The following BICRA variants were observed in gnomAD, a reference collection of about 807,000 sequenced individuals.
The protein encoded by BICRA is BRD4 interacting chromatin remodeling complex associated protein.
A neutral mutation model predicts 96.9 loss-of-function variants in BICRA; 31 were observed. The ratio of observed to expected loss-of-function variants is 0.32; its 90% CI spans 0.24 to 0.43. BICRA has a LOEUF of 0.43. Ranked by LOEUF, BICRA falls within the 20% of genes least tolerant of loss-of-function variation. The pLI, the probability that BICRA is intolerant of heterozygous loss-of-function variation, is 1.00. For synonymous variants in BICRA, 1,350 were observed against 1,071.8 expected, an observed-to-expected ratio of 1.26 and a Z score of -5.07; for missense variants, 2,283 against 2,190.3, an observed-to-expected ratio of 1.04 and a Z score of -0.84.
chr19:47,701,116 C>G lies in BICRA; in HGVS notation c.3596-212C>G, dbSNP rs551076388. ...ATGTCTGAATGAGCCCCACGTGGCT[C>G]GTGGCGCTGTGCCAGGCACAGTGGT... On this transcript the variant is annotated intron_variant, in intron 14 of 14. Transcript: ENST00000594866. This position sits in a 1 kb window ranked among gnomAD's most constrained non-coding sequence, Gnocchi z 5.4. 54 of 580,484 alleles carry G rather than the reference C, an allele frequency of 9.3e-5. 2 individuals carry two copies. In the South Asian group the frequency reaches 1.1e-3, roughly 12 times the overall value. The allele number at this position is 580,484 out of a possible 1,614,324, so 36.0% of individuals were successfully genotyped here. A position where few individuals can be genotyped will look rare whatever the true frequency, so the allele number is the denominator to read the frequency against.
At chr19:47,658,788 G>A (rs1972661108) in intron 1 of BICRA, among the ~76,000 whole-genome samples, 1 of 152,118 alleles carries the variant, frequency 6.6e-6, no homozygotes, top group African/African-American at 2.4e-5. Flanking sequence ...TCTCAAATCT[G>A]TATTAGGAAC....
chr19:47,680,238 G>C lies in BICRA; in HGVS notation c.1068G>C (p.Ala356=). 1 of 1,560,444 alleles carries C rather than the reference G, an allele frequency of 6.4e-7. No homozygotes were observed. The highest frequency in any genetic ancestry group is 8.6e-7 in the Non-Finnish European group (1 of 1,162,068). The change falls in exon 6 of 15, where the codon GCG becomes GCC. Residue 356 remains alanine (A), a synonymous_variant. Coordinates refer to ENST00000594866, the MANE Select transcript of BICRA (RefSeq NM_001394372.1). ...CCACGCCCATCCAGCCCAAGCCCGC[G>C]GGGGTGCTGCCGCCCAAGCTCTACC... ...RTPTPIQPKP[A]GVLPPKLYQL...
At chr19:47,685,782 T>TGTGTGTGTGTGCGCGCGC (rs1973140439) in intron 7 of BICRA, among the ~76,000 whole-genome samples, 1 of 124,842 alleles carries the variant, frequency 8.0e-6, no homozygotes, top group Non-Finnish European at 1.6e-5. Context: ...TGTGTGTGTG[T>TGTGTGTGTGTGCGCGCGC]GTGTGCGCGC....
rs748341092 is a variant in BICRA at position 47,694,686 on chromosome 19, C to A, written c.2855C>A (p.Ala952Glu). ...TFQMVTTPFPALPQPKALLER... is the reference protein window; with the variant it reads ...TFQMVTTPFPELPQPKALLER... The stretch of plus-strand genomic sequence containing the variant: ...CAGATGGTGACCACCCCCTTCCCAG[C>A]GCTGCCCCAGCCGAAGGCTCTTCTC... The change falls in exon 8 of 15, where the codon GCG (alanine) becomes GAG (glutamate). Residue 952 changes from alanine to glutamate, a missense_variant. Transcript: ENST00000594866. 6.3e-7 allele frequency: 1 copy of A among 1,587,192 alleles called. No homozygotes were observed. Among genetic ancestry groups the A allele is most frequent in the Non-Finnish European group, 8.6e-7 (1 of 1,161,346 alleles).
chr19:47,612,240 C>T (rs908230570), intron 1 of BICRA, among the ~76,000 whole-genome samples: 11 of 151,750 alleles, frequency 7.2e-5, no homozygotes, highest in African/African-American at 2.7e-4. Context: ...CACGGTGAGA[C>T]CCTGTGTCTA....
At chr19:47,618,567 C>T (rs1175076639) in intron 1 of BICRA, among the ~76,000 whole-genome samples, 7 of 152,012 alleles carry the variant, frequency 4.6e-5, no homozygotes, top group South Asian at 2.1e-4. Flanking sequence ...TGCCCCTTGA[C>T]CCCCCAGCCC....
chr19:47,682,514 C>A (rs1453808825), intron 7 of BICRA, among the ~76,000 whole-genome samples: 1 of 152,180 alleles, frequency 6.6e-6, no homozygotes, highest in East Asian at 1.9e-4. Context: ...TCCTGTTGTC[C>A]TCCCAAGGTG....
chr19:47,648,335 C>T (rs1232477532), intron 1 of BICRA, among the ~76,000 whole-genome samples: 2 of 151,882 alleles, frequency 1.3e-5, no homozygotes, highest in East Asian at 1.9e-4. Flanking sequence ...CTAGGTCAGG[C>T]GCCTGACAGC....
intron 1 of BICRA, among the ~76,000 whole-genome samples, chr19:47,629,745 C>A (rs1972193412): frequency 6.6e-6 from 1 of 152,132 alleles, no homozygotes; most frequent in Non-Finnish European, 1.5e-5. Flanking sequence ...GCAACCCCTG[C>A]CTCGCAGGTT....
chr19:47,632,053 T>C (rs140723626), intron 1 of BICRA, among the ~76,000 whole-genome samples: 2 of 152,220 alleles, frequency 1.3e-5, no homozygotes, highest in Non-Finnish European at 2.9e-5. Context: ...ATTCTCTGTC[T>C]TTGACTAGGA....
intron 11 of BICRA, among the ~76,000 whole-genome samples, chr19:47,696,890 A>G (rs959318222): frequency 1.4e-5 from 2 of 147,610 alleles, no homozygotes; most frequent in African/African-American, 5.0e-5. Flanking sequence ...TGGGAGGATG[A>G]TGGGGGGGGT....
At chr19:47,642,573 G>T (rs757662987) in intron 1 of BICRA, among the ~76,000 whole-genome samples, 7 of 151,966 alleles carry the variant, frequency 4.6e-5, no homozygotes, top group African/African-American at 1.7e-4. Context: ...ATGGTGGCAC[G>T]CGCCTGTAGT....
intron 1 of BICRA, among the ~76,000 whole-genome samples, chr19:47,639,585 C>T (rs986840465): frequency 1.3e-5 from 2 of 150,840 alleles, no homozygotes; most frequent in Non-Finnish European, 2.9e-5. Context: ...GTCTTGGCCT[C>T]CCAAAGTGCT....
chr19:47,690,012 TG>T (rs1973217242), intron 7 of BICRA, among the ~76,000 whole-genome samples: 2 of 152,232 alleles, frequency 1.3e-5, no homozygotes, highest in East Asian at 3.9e-4. Flanking sequence ...TTTTTGTTTT[TG>T]TTTTTGAGAC....
At chr19:47,620,687 A>AAAC (rs1223090228) in intron 1 of BICRA, among the ~76,000 whole-genome samples, 1 of 150,988 alleles carries the variant, frequency 6.6e-6, no homozygotes, top group Non-Finnish European at 1.5e-5. Context: ...AAAAAAAAAA[A>AAAC]AACAAGAACA....
Position 47,702,100 on chromosome 19 carries a change from C to T in BICRA, c.4368C>T (p.Ala1456=), listed in dbSNP as rs997175543. 8 of 1,520,972 alleles carry T rather than the reference C, an allele frequency of 5.3e-6. No individual in the cohort carries two copies. Among genetic ancestry groups the T allele is most frequent in the African/African-American group, 1.4e-5 (1 of 70,286 alleles). The allele number at this position is 1,520,972 out of a possible 1,614,324, so 94.2% of individuals were successfully genotyped here. A position where few individuals can be genotyped will look rare whatever the true frequency, so the allele number is the denominator to read the frequency against. The change falls in exon 15 of 15, where the codon GCC becomes GCT. Residue 1456 remains alanine (A), a synonymous_variant. Coordinates refer to ENST00000594866, the MANE Select transcript of BICRA (RefSeq NM_001394372.1). ...GPPPEPAASA[A]QGTGDPDWEA... is the part of the protein sequence containing the mutation. ...CGCCAGAGCCCGCAGCCAGCGCCGC[C>T]CAAGGCACCGGGGACCCCGACTGGG...
At chr19:47,608,615 C>T (rs1005122031), upstream of BICRA, among the ~76,000 whole-genome samples, 4 of 152,052 alleles carry the variant, frequency 2.6e-5, no homozygotes, top group Admixed American at 6.5e-5. Flanking sequence ...GGGCTCGAGG[C>T]AGTCGACAAA....
At chr19:47,611,952 C>T (rs937952525) in intron 1 of BICRA, among the ~76,000 whole-genome samples, 1 of 151,354 alleles carries the variant, frequency 6.6e-6, no homozygotes, top group Non-Finnish European at 1.5e-5. Context: ...TTCACTGCAA[C>T]CTCTGCCTCC....
intron 11 of BICRA, 139 bp downstream of exon 11, chr19:47,696,651 C>T (rs1973348045): frequency 1.4e-6 from 1 of 697,914 alleles, no homozygotes; most frequent in Non-Finnish European, 2.3e-6. Flanking sequence ...GATGTAGTTC[C>T]CTCATAGACC....
Sources: allele counts gnomAD v4.1 joint callset (sites outside exome capture counted in the v4.1 genomes callset), GRCh38; gene constraint gnomAD v4.1.1; non-coding constraint Gnocchi (gnomAD v3.1); transcripts MANE v1.5; gene names NCBI Gene and HGNC (gene_info 2026-07-23, HGNC 2026-07-21).